Variants in PRTFDC1 observed in about 807,000 individuals in gnomAD.
The protein encoded by PRTFDC1 is phosphoribosyltransferase domain-containing protein 1.
In PRTFDC1, 38 loss-of-function variants were observed where a neutral mutation model predicts 34.6. The ratio of observed to expected loss-of-function variants is 1.10; its 90% CI spans 0.85 to 1.44. PRTFDC1 has a LOEUF of 1.44. PRTFDC1 is among the 40% of genes most tolerant of loss of function. PRTFDC1 has a pLI of 0.00. For synonymous variants in PRTFDC1, 93 were observed against 98.1 expected (o/e 0.95, Z 0.31); for missense variants, 270 against 283.0 (o/e 0.95, Z 0.33).
intron 3 of PRTFDC1, among the ~76,000 whole-genome samples, chr10:24,884,257 T>G (rs1372463955): frequency 6.6e-6 from 1 of 152,128 alleles, no homozygotes; most frequent in Non-Finnish European, 1.5e-5. Flanking sequence ...CTCATGAAAC[T>G]GTTTTAAGAT....
intron 3 of PRTFDC1, among the ~76,000 whole-genome samples, chr10:24,888,408 T>A (rs1848205773): frequency 6.6e-6 from 1 of 152,216 alleles, no homozygotes; most frequent in African/African-American, 2.4e-5. Flanking sequence ...AATTTAAATG[T>A]CATATGTAAA....
At chr10:24,904,849 G>C (rs1404309185) in intron 3 of PRTFDC1, among the ~76,000 whole-genome samples, 2 of 152,018 alleles carry the variant, frequency 1.3e-5, no homozygotes, top group Non-Finnish European at 2.9e-5. Flanking sequence ...ATATTCCCTA[G>C]TCAATCCCTT....
At chr10:24,859,411 C>T (rs1847638246) in intron 4 of PRTFDC1, among the ~76,000 whole-genome samples, 1 of 152,174 alleles carries the variant, frequency 6.6e-6, no homozygotes, top group South Asian at 2.1e-4. Flanking sequence ...AGGTATGCAC[C>T]ACCACGCCTG....
intron 3 of PRTFDC1, among the ~76,000 whole-genome samples, chr10:24,897,056 A>C (rs1346291975): frequency 6.6e-6 from 1 of 152,162 alleles, no homozygotes; most frequent in Non-Finnish European, 1.5e-5. Context: ...CAAAAAATAC[A>C]AAAATTTGCT....
At chr10:24,942,992 G>A (rs141729287) in intron 1 of PRTFDC1, among the ~76,000 whole-genome samples, 2 of 151,332 alleles carry the variant, frequency 1.3e-5, no homozygotes, top group African/African-American at 4.8e-5. Flanking sequence ...TAGCTAACCC[G>A]ATAGCATTAT....
intron 6 of PRTFDC1, among the ~76,000 whole-genome samples, chr10:24,856,112 TCAA>T (rs1404541164): frequency 2.3e-5 from 1 of 43,188 alleles, no homozygotes; most frequent in South Asian, 1.2e-3. Context: ...AGACTCCGTC[TCAA>T]AAAAAAAAAA....
At chr10:24,945,067 C>T (rs140151121) in intron 1 of PRTFDC1, among the ~76,000 whole-genome samples, 70 of 152,316 alleles carry the variant, frequency 4.6e-4, no homozygotes, top group African/African-American at 1.6e-3. Context: ...TTCCACATGG[C>T]TGTCCTCTAC....
Position 24,872,031 on chromosome 10 carries a change from G to A in PRTFDC1, c.372C>T (p.Ile124=), listed in dbSNP as rs758689861. The change falls in exon 4 of 9, where the codon ATC becomes ATT. Residue 124 remains isoleucine (I), a synonymous_variant. Coordinates refer to ENST00000320152, the MANE Select transcript of PRTFDC1 (RefSeq NM_020200.7). ...CCAGCGTTGAAAGATCATCGCCTCC[G>A]ATTATCTGCATCTCACCCATGGACT... The part of the protein sequence containing the change: ...NDQSMGEMQI[I]GGDDLSTLAG... 9.9e-6 allele frequency: 16 copies of A among 1,611,936 alleles called. No individual in the cohort carries two copies. The highest frequency in any genetic ancestry group is 6.6e-5 in the South Asian group (6 of 91,002).
At chr10:24,898,143 G>C (rs1265242278) in intron 3 of PRTFDC1, among the ~76,000 whole-genome samples, 1 of 151,946 alleles carries the variant, frequency 6.6e-6, no homozygotes, top group African/African-American at 2.4e-5. Flanking sequence ...TAAACAGAAA[G>C]GTGACTGATG....
At chr10:24,871,069 TA>T (rs11314430) in intron 4 of PRTFDC1, among the ~76,000 whole-genome samples, 27,685 of 102,732 alleles carry the variant, frequency 0.27, 3,483 homozygotes, top group South Asian at 0.4. Context: ...AGACTCTGTC[TA>T]AAAAAAAAAA....
chr10:24,892,652 C>G (rs1848284742), intron 3 of PRTFDC1, among the ~76,000 whole-genome samples: 2 of 152,052 alleles, frequency 1.3e-5, no homozygotes, highest in Admixed American at 1.3e-4. Flanking sequence ...ACATATTTCT[C>G]AAGCACTCCT....
At chr10:24,884,178 A>G (rs1434244758) in intron 3 of PRTFDC1, among the ~76,000 whole-genome samples, 6 of 151,454 alleles carry the variant, frequency 4.0e-5, no homozygotes, top group African/African-American at 1.5e-4. Context: ...AAAAAGGAAG[A>G]TTTAGAATTA....
Position 24,849,516 on chromosome 10 carries a change from A to G in PRTFDC1, c.*328T>C. The G allele has an allele frequency of 4.5e-6, 1 of 223,940 alleles. No individual in the cohort carries two copies. The highest frequency in any genetic ancestry group is 1.7e-4 in the South Asian group (1 of 5,984). The allele number at this position is 223,940 out of a possible 1,614,324, so 13.9% of individuals were successfully genotyped here. ...AATATTTGAGTAACTAGGTGGGGGTATTCCTGGGAATACTAATCAAATATA... is the reference window on the plus strand; with the variant it reads ...AATATTTGAGTAACTAGGTGGGGGTGTTCCTGGGAATACTAATCAAATATA... On this transcript the variant is annotated 3_prime_UTR_variant, in exon 9 of 9. Transcript: ENST00000320152.
chr10:24,858,660 C>T (rs186357048), intron 4 of PRTFDC1, among the ~76,000 whole-genome samples: 2 of 152,282 alleles, frequency 1.3e-5, no homozygotes, highest in East Asian at 1.9e-4. Flanking sequence ...ACCTGTCTGA[C>T]GAGCTCTCCA....
chr10:24,878,827 A>C (rs1006016202), intron 3 of PRTFDC1, among the ~76,000 whole-genome samples: 4 of 152,190 alleles, frequency 2.6e-5, no homozygotes, highest in Admixed American at 1.3e-4. Flanking sequence ...CCACCCTCTA[A>C]GCCATTCATT....
At chr10:24,920,655 T>A (rs1312780557) in intron 3 of PRTFDC1, among the ~76,000 whole-genome samples, 1 of 152,182 alleles carries the variant, frequency 6.6e-6, no homozygotes, top group Non-Finnish European at 1.5e-5. Flanking sequence ...GTAACAAACC[T>A]GCACGTCCTG....
At chr10:24,903,881 G>C (rs1435336347) in intron 3 of PRTFDC1, among the ~76,000 whole-genome samples, 1 of 151,358 alleles carries the variant, frequency 6.6e-6, no homozygotes, top group Non-Finnish European at 1.5e-5. Context: ...ATAGGGCTGG[G>C]TCTTGCTAAC....
intron 1 of PRTFDC1, among the ~76,000 whole-genome samples, chr10:24,945,737 G>C (rs2132620000): frequency 6.6e-6 from 1 of 152,312 alleles, no homozygotes; most frequent in South Asian, 2.1e-4. Flanking sequence ...GATTATAAGT[G>C]TGAGCCATCA....
intron 3 of PRTFDC1, among the ~76,000 whole-genome samples, chr10:24,916,313 T>G (rs1848694952): frequency 6.6e-6 from 1 of 152,198 alleles, no homozygotes; most frequent in African/African-American, 2.4e-5. Context: ...CCTTTACCCC[T>G]TTCATTCTAT....
Sources: gnomAD v4.1 joint callset for allele counts (sites outside exome capture counted in the v4.1 genomes callset) on GRCh38, gnomAD v4.1.1 for gene constraint, MANE v1.5 for transcripts, NCBI Gene and HGNC (gene_info 2026-07-23, HGNC 2026-07-21) for gene names.